The following MCTP1 variants were observed in gnomAD, a reference collection of about 807,000 sequenced individuals.
MCTP1 encodes multiple C2 and transmembrane domain-containing protein 1.
Under a neutral mutation model 120.6 loss-of-function variants are expected in MCTP1, and 69 were observed. The ratio of observed to expected loss-of-function variants is 0.57; its 90% CI spans 0.47 to 0.70. The LOEUF (loss-of-function observed/expected upper bound fraction) is 0.70. Among genes scored for constraint, MCTP1 ranks in the 30% least tolerant of loss-of-function variants. The probability of loss-of-function intolerance (pLI) is 0.00; values close to 1 mark genes in which losing one functional copy is unlikely to be tolerated. For synonymous variants in MCTP1, 529 were observed against 493.1 expected (o/e 1.07, Z -0.96); for missense variants, 1,203 against 1,248.8 (o/e 0.96, Z 0.55).
chr5:94,935,036 C>T (rs1232234289), intron 5 of MCTP1, among the ~76,000 whole-genome samples: 1 of 151,872 alleles, frequency 6.6e-6, no homozygotes. Context: ...GACATGCAAT[C>T]AAAACAGAAA....
At chr5:95,210,641 G>A (rs1451942889) in intron 1 of MCTP1, among the ~76,000 whole-genome samples, 3 of 151,112 alleles carry the variant, frequency 2.0e-5, no homozygotes, top group African/African-American at 2.4e-5. Flanking sequence ...TTGCCAGTCT[G>A]TGTCTTTTAA....
At chr5:95,095,314 C>T (rs566105335) in intron 1 of MCTP1, among the ~76,000 whole-genome samples, 3 of 152,246 alleles carry the variant, frequency 2.0e-5, no homozygotes, top group Admixed American at 6.5e-5. Flanking sequence ...TGAGCCACCG[C>T]GCCCGGCCTT....
At chr5:94,755,404 C>G (rs1769540739) in intron 19 of MCTP1, among the ~76,000 whole-genome samples, 1 of 152,068 alleles carries the variant, frequency 6.6e-6, no homozygotes, top group African/African-American at 2.4e-5. Flanking sequence ...TCCTTAATTC[C>G]CACTTTCCTC....
chr5:95,111,113 TCTGA>T (rs1457901857), intron 1 of MCTP1, among the ~76,000 whole-genome samples: 1 of 152,246 alleles, frequency 6.6e-6, no homozygotes, highest in African/African-American at 2.4e-5. Flanking sequence ...TGTCTAAGGT[TCTGA>T]CTAACAATAA....
intron 19 of MCTP1, among the ~76,000 whole-genome samples, chr5:94,772,442 G>A (rs573459992): frequency 1.8e-4 from 28 of 152,220 alleles, no homozygotes; most frequent in African/African-American, 6.5e-4. Flanking sequence ...TGCTCTGATG[G>A]CCTCTCCACT....
At chr5:95,030,970 A>G (rs1050714566) in intron 1 of MCTP1, among the ~76,000 whole-genome samples, 2 of 152,120 alleles carry the variant, frequency 1.3e-5, no homozygotes, top group Non-Finnish European at 2.9e-5. Flanking sequence ...AAAAAAAAAT[A>G]GAACTCCAGA....
Position 94,894,713 on chromosome 5 carries a change from A to G in MCTP1, c.1775T>C (p.Ile592Thr). ...CAGGGAGTTGACAGACAGGTCAGAG[A>G]TGCTGACTGTGGCTGATGCTGTCAG... ...VTLTASATVSISDLSVNSLED... is the reference protein window; with the variant it reads ...VTLTASATVSTSDLSVNSLED... The change falls in exon 11 of 23, where the codon ATC becomes ACC. Residue 592 changes from isoleucine to threonine, a missense_variant. By Grantham distance (89) the Ile-to-Thr change is moderately conservative. Transcript: ENST00000515393. 2 of 1,613,812 alleles carry G rather than the reference A, an allele frequency of 1.2e-6. No individual in the cohort carries two copies. The highest frequency in any genetic ancestry group is 1.7e-6 in the Non-Finnish European group (2 of 1,179,768).
At chr5:95,079,722 A>C (rs1173873524) in intron 1 of MCTP1, among the ~76,000 whole-genome samples, 2 of 151,928 alleles carry the variant, frequency 1.3e-5, no homozygotes, top group Non-Finnish European at 2.9e-5. Context: ...ATATTTAATA[A>C]AAAATATTTT....
chr5:94,871,269 TGAGC>T, intron 14 of MCTP1, 42 bp downstream of exon 14: 1 of 1,151,030 alleles, frequency 8.7e-7, no homozygotes, highest in Non-Finnish European at 1.3e-6. Flanking sequence ...TTTTTTTCCG[TGAGC>T]AAAAGCAACA....
chr5:95,075,015 G>A (rs1253024008), intron 1 of MCTP1, among the ~76,000 whole-genome samples: 1 of 152,184 alleles, frequency 6.6e-6, no homozygotes, highest in Non-Finnish European at 1.5e-5. Context: ...GCCTGTGGCA[G>A]AATATTTTTT....
chr5:95,216,969 G>A (rs1308168322), intron 1 of MCTP1, among the ~76,000 whole-genome samples: 1 of 152,042 alleles, frequency 6.6e-6, no homozygotes, highest in East Asian at 1.9e-4. Context: ...TTTTTCACTT[G>A]GCATTTTTAT....
chr5:95,146,464 G>A (rs958647210), intron 1 of MCTP1, among the ~76,000 whole-genome samples: 2 of 152,082 alleles, frequency 1.3e-5, no homozygotes, highest in Non-Finnish European at 2.9e-5. Context: ...CTTCCTGTAA[G>A]TACTATGGTG....
chr5:95,215,597 A>AT (rs1387173521), intron 1 of MCTP1, among the ~76,000 whole-genome samples: 1 of 151,694 alleles, frequency 6.6e-6, no homozygotes, highest in Non-Finnish European at 1.5e-5. Context: ...CCTTGTTGCT[A>AT]TTTTTTGCTT....
chr5:95,139,943 T>C (rs1053501560), intron 1 of MCTP1, among the ~76,000 whole-genome samples: 1 of 152,184 alleles, frequency 6.6e-6, no homozygotes, highest in Non-Finnish European at 1.5e-5. Flanking sequence ...CAGAAAAACA[T>C]CAAAATCATT....
At chr5:95,161,299 G>A (rs1745713076) in intron 1 of MCTP1, among the ~76,000 whole-genome samples, 1 of 152,116 alleles carries the variant, frequency 6.6e-6, no homozygotes, top group Non-Finnish European at 1.5e-5. Context: ...CAACAGCATG[G>A]CTGAACCTCG....
Position 95,034,165 on chromosome 5 carries a change from T to G in MCTP1, c.721-16681A>C, listed in dbSNP as rs143779985. 3.3e-3 allele frequency among the ~76,000 whole-genome samples: 499 copies of G among 152,068 alleles called. 3 individuals are homozygous for G. The highest frequency in any genetic ancestry group is 0.011 in the African/African-American group (452 of 41,514). ...CATACTGCCCAAAGCAATCTATAGA[T>G]TCATCACAATTCCTATCAAATTACC... On this transcript the variant is annotated intron_variant, in intron 1 of 22. Coordinates refer to ENST00000515393, the MANE Select transcript of MCTP1 (RefSeq NM_024717.7).
At chr5:94,803,188 T>A (rs1226456060) in intron 17 of MCTP1, among the ~76,000 whole-genome samples, 1 of 152,234 alleles carries the variant, frequency 6.6e-6, no homozygotes, top group East Asian at 1.9e-4. Flanking sequence ...AATCATTATA[T>A]GGCTGTTGTA....
intron 1 of MCTP1, among the ~76,000 whole-genome samples, chr5:95,264,961 G>A (rs1758766550): frequency 6.6e-6 from 1 of 152,134 alleles, no homozygotes; most frequent in Admixed American, 6.6e-5. Context: ...GTCTTTTCAG[G>A]TGTGACCAAT....
intron 1 of MCTP1, among the ~76,000 whole-genome samples, chr5:95,049,316 T>C (rs1015275285): frequency 5.9e-5 from 9 of 152,272 alleles, no homozygotes; most frequent in Middle Eastern, 3.4e-3. Flanking sequence ...CCTCCTAGTC[T>C]GGTGCCAAAA....
Sources: gnomAD v4.1 joint callset for allele counts (sites outside exome capture counted in the v4.1 genomes callset) on GRCh38, gnomAD v4.1.1 for gene constraint, MANE v1.5 for transcripts, NCBI Gene and HGNC (gene_info 2026-07-23, HGNC 2026-07-21) for gene names.